Variants in PARD3B observed in about 807,000 individuals in gnomAD.
The protein encoded by PARD3B is partitioning defective 3 homolog B.
PARD3B carries 103 observed loss-of-function variants against 130.2 expected under a neutral mutation model. The ratio of observed to expected loss-of-function variants is 0.79; its 90% CI spans 0.67 to 0.93. The LOEUF is 0.93. PARD3B is among the 40% of genes least tolerant of loss of function. The pLI is 0.00. For missense variants in PARD3B, 1,609 were observed against 1,499.2 expected, an observed-to-expected ratio of 1.07 and a Z score of -1.21; for synonymous variants, 583 against 553.2, an observed-to-expected ratio of 1.05 and a Z score of -0.76.
chr2:205,228,225 G>A (rs115887884), intron 15 of PARD3B, among the ~76,000 whole-genome samples: 63 of 152,148 alleles, frequency 4.1e-4, no homozygotes, highest in Non-Finnish European at 2.1e-4. Context: ...ATATCTCATT[G>A]TTCATCAATG....
chr2:204,927,028 A>G (rs1400372017), intron 2 of PARD3B, among the ~76,000 whole-genome samples: 1 of 152,020 alleles, frequency 6.6e-6, no homozygotes, highest in Non-Finnish European at 1.5e-5. Flanking sequence ...ATACCCCCCC[A>G]AAAAGAAATC....
intron 2 of PARD3B, among the ~76,000 whole-genome samples, chr2:204,773,020 A>G (rs2041455088): frequency 6.6e-6 from 1 of 152,056 alleles, no homozygotes; most frequent in Admixed American, 6.6e-5. Flanking sequence ...TATCAATGTT[A>G]AGATAATTTC....
intron 22 of PARD3B, among the ~76,000 whole-genome samples, chr2:205,603,910 G>A (rs2054886009): frequency 6.6e-6 from 1 of 152,126 alleles, no homozygotes; most frequent in South Asian, 2.1e-4. Flanking sequence ...TGGTTATTTT[G>A]CAGACCTGTT....
intron 3 of PARD3B, among the ~76,000 whole-genome samples, chr2:205,024,172 T>C (rs1696846171): frequency 2.1e-5 from 3 of 141,882 alleles, no homozygotes; most frequent in African/African-American, 5.2e-5. Flanking sequence ...CTTTTTTTTT[T>C]TTTTTTTTTT....
At chr2:205,510,498 A>C (rs1039852831) in intron 21 of PARD3B, among the ~76,000 whole-genome samples, 1 of 152,144 alleles carries the variant, frequency 6.6e-6, no homozygotes, top group African/African-American at 2.4e-5. Context: ...CTTGGTCATC[A>C]GGCACTTTTA....
intron 1 of PARD3B, among the ~76,000 whole-genome samples, chr2:204,649,757 A>C (rs1481124896): frequency 6.6e-6 from 1 of 152,194 alleles, no homozygotes; most frequent in Non-Finnish European, 1.5e-5. Context: ...CATATACAAA[A>C]ATTAACTCAA....
chr2:204,860,887 A>T (rs1282421441), intron 2 of PARD3B, among the ~76,000 whole-genome samples: 1 of 152,206 alleles, frequency 6.6e-6, no homozygotes, highest in Non-Finnish European at 1.5e-5. Flanking sequence ...GCAGATTAGC[A>T]GTGGTTCTTG....
intron 2 of PARD3B, among the ~76,000 whole-genome samples, chr2:204,902,163 A>G (rs942230545): frequency 6.6e-6 from 1 of 152,100 alleles, no homozygotes; most frequent in African/African-American, 2.4e-5. Flanking sequence ...TTTTCTTTCA[A>G]AATTATCAGT....
At chr2:204,947,929 A>T (rs1016630988) in intron 2 of PARD3B, among the ~76,000 whole-genome samples, 19 of 152,328 alleles carry the variant, frequency 1.2e-4, no homozygotes, top group Non-Finnish European at 2.5e-4. Context: ...ACTACTTTGT[A>T]TACTCATGTG....
At position 205,572,919 on chromosome 2, in the gene PARD3B, A is replaced by G. The variant is rs148592419; in HGVS notation, c.3260+19516A>G. Among the ~76,000 whole-genome samples, 1,153 of 152,276 alleles carry G rather than the reference A, an allele frequency of 7.6e-3. 18 individuals carry two copies. Among genetic ancestry groups the G allele is most frequent in the African/African-American group, 0.026 (1,100 of 41,544 alleles). ...CCAAGACTGGGTAATTTATAAAGGA[A>G]AGAGGTTTAATTGACTCACAGTTCA... On this transcript the variant is annotated intron_variant, in intron 22 of 22. Coordinates refer to ENST00000406610, the MANE Select transcript of PARD3B (RefSeq NM_001302769.2). The surrounding 1 kb of genome is among the most constrained non-coding windows in gnomAD (Gnocchi z 4.2).
At position 205,558,490 on chromosome 2, in the gene PARD3B, A is replaced by G. The variant is rs2052995969; in HGVS notation, c.3260+5087A>G. Among the ~76,000 whole-genome samples, 1 of 152,136 alleles carries G rather than the reference A, an allele frequency of 6.6e-6. No individual in the cohort carries two copies. The highest frequency in any genetic ancestry group is 6.5e-5 in the Admixed American group (1 of 15,282). Reference sequence around the variant, plus strand: ...AATTGACTCTTGTATGTCAGAGAAAAACAAAGACCCTTGGCTCAACCCTCC... The same window carrying G: ...AATTGACTCTTGTATGTCAGAGAAAGACAAAGACCCTTGGCTCAACCCTCC... On this transcript the variant is annotated intron_variant, in intron 22 of 22. Transcript: ENST00000406610. This position sits in a 1 kb window ranked among gnomAD's most constrained non-coding sequence, Gnocchi z 4.8.
At chr2:204,839,280 T>C (rs906839350) in intron 2 of PARD3B, among the ~76,000 whole-genome samples, 2 of 152,214 alleles carry the variant, frequency 1.3e-5, no homozygotes, top group Non-Finnish European at 2.9e-5. Flanking sequence ...TCAAGGTCAG[T>C]TGTGTTAGCA....
intron 19 of PARD3B, among the ~76,000 whole-genome samples, chr2:205,401,842 G>T (rs2046262947): frequency 6.6e-6 from 1 of 152,116 alleles, no homozygotes; most frequent in African/African-American, 2.4e-5. Flanking sequence ...CAACTAAATG[G>T]AGCTTGGAGA....
intron 16 of PARD3B, among the ~76,000 whole-genome samples, chr2:205,286,094 A>G (rs2041385669): frequency 6.6e-6 from 1 of 152,216 alleles, no homozygotes; most frequent in Admixed American, 6.5e-5. Flanking sequence ...CAGGGAATAT[A>G]AAAATATATC....
chr2:204,775,185 A>T (rs1031489341), intron 2 of PARD3B, among the ~76,000 whole-genome samples: 4 of 152,180 alleles, frequency 2.6e-5, no homozygotes, highest in African/African-American at 9.6e-5. Flanking sequence ...GTAAATACGG[A>T]TAAAAAAAGT....
At chr2:204,725,132 G>T (rs1031304428) in intron 2 of PARD3B, among the ~76,000 whole-genome samples, 2 of 152,038 alleles carry the variant, frequency 1.3e-5, no homozygotes, top group Admixed American at 6.6e-5. Flanking sequence ...TTTTTTCCAG[G>T]AGATTTTCCT....
intron 1 of PARD3B, among the ~76,000 whole-genome samples, chr2:204,595,761 A>G (rs964035286): frequency 1.3e-5 from 2 of 152,184 alleles, no homozygotes; most frequent in Non-Finnish European, 2.9e-5. Flanking sequence ...TAAATGTTTC[A>G]TTTGTTCATG....
chr2:205,600,361 G>T (rs1281237888), intron 22 of PARD3B, among the ~76,000 whole-genome samples: 1 of 152,170 alleles, frequency 6.6e-6, no homozygotes, highest in African/African-American at 2.4e-5. Context: ...TACTCATAAG[G>T]TTGAGGTGCC....
At chr2:204,920,869 C>T (rs2047650897) in intron 2 of PARD3B, among the ~76,000 whole-genome samples, 1 of 152,106 alleles carries the variant, frequency 6.6e-6, no homozygotes, top group Non-Finnish European at 1.5e-5. Flanking sequence ...TTCTGATTCC[C>T]CTGTCAGATG....
Sources: allele counts gnomAD v4.1 joint callset (sites outside exome capture counted in the v4.1 genomes callset), GRCh38; gene constraint gnomAD v4.1.1; non-coding constraint Gnocchi (gnomAD v3.1); transcripts MANE v1.5; gene names NCBI Gene and HGNC (gene_info 2026-07-23, HGNC 2026-07-21).